Variants in FHIP2B observed in about 807,000 individuals in gnomAD.
FHIP2B encodes the protein FHF complex subunit HOOK-interacting protein 2B.
In FHIP2B, 72 loss-of-function variants were observed where a neutral mutation model predicts 84.0. The observed-to-expected ratio is 0.86, with a 90% CI of 0.71 to 1.04. FHIP2B has a LOEUF of 1.04. Among genes scored for constraint, FHIP2B ranks in the 50% least tolerant of loss-of-function variants. The pLI is 0.00. For synonymous variants in FHIP2B, 497 were observed against 418.7 expected, an observed-to-expected ratio of 1.19 and a Z score of -2.28; for missense variants, 972 against 968.9, an observed-to-expected ratio of 1.00 and a Z score of -0.04.
chr8:22,099,605 A>T, intron 9 of FHIP2B, 99 bp from the exon 10 acceptor site: 1 of 1,376,744 alleles, frequency 7.3e-7, no homozygotes, highest in Non-Finnish European at 9.8e-7. Flanking sequence ...CCACAGACAT[A>T]CCAGCCAAAC....
In FHIP2B at chr8:22,097,732, G is replaced by GGT. The variant is rs769843390; in HGVS notation, c.420_421dup (p.Gly141ValfsTer41). The stretch of plus-strand genomic sequence containing the variant: ...GCTCTTCCAGAAACTCCTCCGACTT[G>GGT]GTGGGACTGCTTCCGGATCCGTTAC... On this transcript the variant is annotated frameshift_variant, in exon 5 of 17. Transcript: ENST00000289921. LOFTEE classifies it high-confidence loss of function. The GGT allele has an allele frequency of 3.1e-6, 5 of 1,613,188 alleles. No homozygotes were observed. The Admixed American group carries it at 8.3e-5, about 27-fold the overall frequency.
chr8:22,094,772 T>C (rs1469861423), intron 2 of FHIP2B: 3 of 1,296,128 alleles, frequency 2.3e-6, no homozygotes, highest in East Asian at 7.8e-5. Context: ...GTAGCCTGGT[T>C]GGGGGTCTCA....
At position 22,096,528 on chromosome 8, in the gene FHIP2B, GC is replaced by G; in HGVS notation, c.297+20del. On this transcript the variant is annotated intron_variant, in intron 3 of 16. Coordinates refer to ENST00000289921, the MANE Select transcript of FHIP2B (RefSeq NM_022749.7). The stretch of plus-strand genomic sequence containing the variant: ...GGCCGAGGTGGGAGGCCCTCTGCGC[GC>G]TGGGCCAGGCCGAGGTGGGAGGCCT... The G allele has an allele frequency of 6.7e-7, 1 of 1,500,192 alleles. No individual in the cohort carries two copies. The highest frequency in any genetic ancestry group is 8.9e-7 in the Non-Finnish European group (1 of 1,119,450). 92.9% of individuals were successfully genotyped at this position (1,500,192 alleles called of 1,614,324 possible).
At chr8:22,092,300 C>T (rs917103110) in intron 1 of FHIP2B, among the ~76,000 whole-genome samples, 18 of 152,188 alleles carry the variant, frequency 1.2e-4, no homozygotes, top group African/African-American at 4.3e-4. Context: ...GTGCCAATGG[C>T]CGGGTGTGGT....
intron 1 of FHIP2B, among the ~76,000 whole-genome samples, chr8:22,092,409 G>A (rs1261718535): frequency 3.9e-5 from 6 of 152,018 alleles, no homozygotes; most frequent in South Asian, 4.1e-4. Context: ...GTGAAACCCC[G>A]TCTCTACTAA....
intron 4 of FHIP2B, 24 bp from the exon 5 acceptor site, chr8:22,097,693 G>T (rs772338201): frequency 5.0e-6 from 8 of 1,611,610 alleles, no homozygotes; most frequent in Non-Finnish European, 6.8e-6. Context: ...TCTCCCCTCT[G>T]TTTCTGTCCT....
At position 22,099,317 on chromosome 8, in the gene FHIP2B, G is replaced by A. The variant is rs1004017161; in HGVS notation, c.1108G>A (p.Glu370Lys). The A allele has an allele frequency of 5.0e-6, 8 of 1,613,834 alleles. No homozygotes were observed. Among genetic ancestry groups the A allele is most frequent in the Non-Finnish European group, 6.8e-6 (8 of 1,179,850 alleles). The change falls in exon 9 of 17, where the codon GAG becomes AAG. Residue 370 changes from glutamate (E) to lysine (K), a missense_variant. By Grantham distance (56) the Glu-to-Lys change is moderately conservative (BLOSUM62 1). Coordinates refer to ENST00000289921, the MANE Select transcript of FHIP2B (RefSeq NM_022749.7). ...VADALAKAVA[E>K]NFFVETLQPQ... The stretch of plus-strand genomic sequence containing the variant: ...GGACGCCTTGGCGAAGGCTGTGGCT[G>A]AGAACTTCTTCGTGGAGACCCTGCA...
intron 1 of FHIP2B, among the ~76,000 whole-genome samples, chr8:22,089,550 C>A (rs1053870439): frequency 6.6e-6 from 1 of 152,208 alleles, no homozygotes; most frequent in South Asian, 2.1e-4. Flanking sequence ...CGCTTCCTGT[C>A]TGTGCGTCCT....
rs762596680 is a variant in FHIP2B at position 22,102,815 on chromosome 8, C to G, written c.2116C>G (p.Gln706Glu). Residue 706 changes from glutamine (Q) to glutamate (E), a missense_variant, in exon 17 of 17, where the codon CAG becomes GAG. By Grantham distance (29) the Gln-to-Glu change is conservative (BLOSUM62 2). Transcript: ENST00000289921. Reference sequence around the variant, plus strand: ...CAGGCTGGACCACCAGACCCTCCTCCAGGGCGTGGTGGTGCTGGAGGAGTT... The same window carrying G: ...CAGGCTGGACCACCAGACCCTCCTCGAGGGCGTGGTGGTGCTGGAGGAGTT... ...GEQLDHQTLL[Q>E]GVVVLEEFCK... The G allele has an allele frequency of 1.7e-5, 27 of 1,613,506 alleles. No individual in the cohort carries two copies. In the Admixed American group the frequency reaches 4.3e-4, roughly 26 times the overall value.
rs970573100 is a variant in FHIP2B at position 22,089,309 on chromosome 8, C to T, written c.45+11C>T. On this transcript the variant is annotated intron_variant, in intron 1 of 16. Transcript: ENST00000289921. ...GAAGCCGTGGGGGCGGTGAGGCCGGCAGGGCCGGGCCGGGCCGCCGGGAGT... is the reference window on the plus strand; with the variant it reads ...GAAGCCGTGGGGGCGGTGAGGCCGGTAGGGCCGGGCCGGGCCGCCGGGAGT... 6 of 1,018,710 alleles carry T rather than the reference C, an allele frequency of 5.9e-6. No individual in the cohort carries two copies. The highest frequency in any genetic ancestry group is 7.0e-6 in the Non-Finnish European group (6 of 853,318). 63.1% of individuals were successfully genotyped at this position (1,018,710 alleles called of 1,614,324 possible).
chr8:22,098,597 A>G lies in FHIP2B; in HGVS notation c.943A>G (p.Thr315Ala), dbSNP rs35497596. 663,378 of 1,587,660 alleles carry G rather than the reference A, an allele frequency of 0.42. 140,474 individuals carry two copies. Among genetic ancestry groups the G allele is most frequent in the Middle Eastern group, 0.57 (3,416 of 6,018 alleles). Residue 315 changes from threonine to alanine, a missense_variant, in exon 7 of 17, where the codon ACC becomes GCC. By Grantham distance (58) the Thr-to-Ala change is moderately conservative. Transcript: ENST00000289921. Reference sequence around the variant, plus strand: ...CTTCCTGGACCCCGCAGACATTGCCACCTTAGAGGGCATCAGCTGGAGGTG... The same window carrying G: ...CTTCCTGGACCCCGCAGACATTGCCGCCTTAGAGGGCATCAGCTGGAGGTG... ...PVFLDPADIA[T>A]LEGISWRLPS...
Position 22,094,499 on chromosome 8 carries a change from C to G in FHIP2B, c.105C>G (p.His35Gln), listed in dbSNP as rs369091522. ...TGGAGCACTGGAAGGGCATCACGCA[C>G]TACTACATCGAGAGCACAGGTGCGG... is the stretch of plus-strand genomic sequence containing the variant. Reference protein sequence around the residue: ...AFVEHWKGITHYYIESTDEST... With the variant: ...AFVEHWKGITQYYIESTDEST... The change falls in exon 2 of 17, where the codon CAC becomes CAG. Residue 35 changes from histidine (H) to glutamine (Q), a missense_variant. His to Gln is a conservative substitution (Grantham distance 24, BLOSUM62 0). Transcript: ENST00000289921. 4 of 1,611,608 alleles carry G rather than the reference C, an allele frequency of 2.5e-6. No homozygotes were observed. In the East Asian group the frequency reaches 9.0e-5, roughly 36 times the overall value.
chr8:22,094,825 G>T, intron 2 of FHIP2B: 1 of 1,208,750 alleles, frequency 8.3e-7, no homozygotes, highest in Non-Finnish European at 1.0e-6. Context: ...ACTTCCCCCA[G>T]CTTCCAGCTC....
intron 15 of FHIP2B, 85 bp from the exon 16 acceptor site, chr8:22,102,443 T>C: frequency 2.0e-6 from 3 of 1,523,594 alleles, no homozygotes; most frequent in Non-Finnish European, 2.7e-6. Flanking sequence ...AAGCACAGTC[T>C]CCCATGCTCT....
intron 15 of FHIP2B, 47 bp downstream of exon 15, chr8:22,102,362 G>T (rs1205863181): frequency 6.9e-7 from 1 of 1,459,624 alleles, no homozygotes; most frequent in African/African-American, 1.4e-5. Context: ...AGGTGGAGGG[G>T]ACATCAGGGA....
At chr8:22,093,755 C>T (rs1311550211) in intron 1 of FHIP2B, among the ~76,000 whole-genome samples, 1 of 121,794 alleles carries the variant, frequency 8.2e-6, no homozygotes, top group Non-Finnish European at 1.6e-5. Context: ...CTCACCTTGT[C>T]ACCTAGGCTG....
rs117088424 is a variant in FHIP2B, at chr8:22,091,202, C to T, written c.45+1904C>T. 6.9e-4 allele frequency among the ~76,000 whole-genome samples: 104 copies of T among 151,092 alleles called. 1 individual carries two copies. In the East Asian group the frequency reaches 0.013, roughly 19 times the overall value. ...ATTGAGTAGGAAGACTGCTCCTTCCCGCCCTCTTCTGATCTAACAGATTAG... is the reference window on the plus strand; with the variant it reads ...ATTGAGTAGGAAGACTGCTCCTTCCTGCCCTCTTCTGATCTAACAGATTAG... On this transcript the variant is annotated intron_variant, in intron 1 of 16. Coordinates refer to ENST00000289921, the MANE Select transcript of FHIP2B (RefSeq NM_022749.7).
rs755376114 is a variant in FHIP2B, at chr8:22,093,319, TTGTTG to T, written c.46-1119_46-1115del. Among the ~76,000 whole-genome samples, 300 of 150,640 alleles carry T rather than the reference TTGTTG, an allele frequency of 2.0e-3. 1 individual carries two copies. Among genetic ancestry groups the T allele is most frequent in the Admixed American group, 8.1e-3 (124 of 15,224 alleles). ...CTGCAAGAAAAGCGAAGGAATGGTG[TTGTTG>T]TTGTTGTTGTTGTTGTTTTTGAGAA... is the stretch of plus-strand genomic sequence containing the variant. On this transcript the variant is annotated intron_variant, in intron 1 of 16. Coordinates refer to ENST00000289921, the MANE Select transcript of FHIP2B (RefSeq NM_022749.7).
intron 6 of FHIP2B, 30 bp downstream of exon 6, chr8:22,098,340 G>A (rs955748037): frequency 1.3e-6 from 2 of 1,543,198 alleles, no homozygotes; most frequent in South Asian, 1.2e-5. Flanking sequence ...AGAGGTTGGG[G>A]GTGGGGGAAG....
Sources: allele counts gnomAD v4.1 joint callset (sites outside exome capture counted in the v4.1 genomes callset), GRCh38; gene constraint gnomAD v4.1.1; transcripts MANE v1.5; gene names NCBI Gene and HGNC (gene_info 2026-07-23, HGNC 2026-07-21).